Variants in TRAPPC9 observed in about 807,000 individuals in gnomAD.
TRAPPC9 encodes IKK2 binding protein.
TRAPPC9 carries 83 observed loss-of-function variants against 124.0 expected under a neutral mutation model. The observed-to-expected ratio is 0.67, with a 90% CI of 0.56 to 0.80. TRAPPC9 has a LOEUF of 0.80. TRAPPC9 is among the 30% of genes least tolerant of loss of function. The probability of loss-of-function intolerance (pLI) is 0.00; values close to 1 mark genes in which losing one functional copy is unlikely to be tolerated. For missense variants in TRAPPC9, 1,302 were observed against 1,508.3 expected, an observed-to-expected ratio of 0.86 and a Z score of 2.27; for synonymous variants, 638 against 617.5, an observed-to-expected ratio of 1.03 and a Z score of -0.49.
chr8:139,789,395 G>A (rs1182316864), intron 21 of TRAPPC9, among the ~76,000 whole-genome samples: 10 of 152,288 alleles, frequency 6.6e-5, no homozygotes, highest in East Asian at 3.9e-4. Context: ...GCTGCCCCTC[G>A]GTGTGTGGCT....
At chr8:140,331,617 A>AATCATCATCATC (rs57241018) in intron 9 of TRAPPC9, among the ~76,000 whole-genome samples, 72,105 of 150,548 alleles carry the variant, frequency 0.48, 17,262 homozygotes, top group East Asian at 0.58. Context: ...AACAGCAAAA[A>AATCATCATCATC]ATCATCATCA....
At chr8:140,190,078 C>T (rs1285610131) in intron 17 of TRAPPC9, among the ~76,000 whole-genome samples, 1 of 152,190 alleles carries the variant, frequency 6.6e-6, no homozygotes, top group Non-Finnish European at 1.5e-5. Context: ...GCCTGTTGAC[C>T]ACTGTCCTAT....
At chr8:140,217,949 G>A (rs1482065147) in intron 17 of TRAPPC9, among the ~76,000 whole-genome samples, 9 of 152,136 alleles carry the variant, frequency 5.9e-5, no homozygotes, top group Middle Eastern at 6.8e-3. Flanking sequence ...CCCAGGAGGT[G>A]GAGGTTGCAG....
chr8:140,272,194 G>C lies in TRAPPC9; in HGVS notation c.2278+3464C>G, dbSNP rs1287822633. On this transcript the variant is annotated intron_variant, in intron 15 of 22. Coordinates refer to ENST00000438773, the MANE Select transcript of TRAPPC9 (RefSeq NM_001160372.4). ...TTATAGTGGTGGTGGTTATGGTGGT[G>C]ATGGTGGCAGTGGTGAGGGTGGTGG... Among the ~76,000 whole-genome samples, 2 of 129,134 alleles carry C rather than the reference G, an allele frequency of 1.5e-5. 1 individual carries two copies. 84.7% of individuals were successfully genotyped at this position (129,134 alleles called of 152,430 possible). A position where few individuals can be genotyped will look rare whatever the true frequency, so the allele number is the denominator to read the frequency against.
intron 21 of TRAPPC9, among the ~76,000 whole-genome samples, chr8:139,758,460 C>A (rs1279935724): frequency 6.6e-6 from 1 of 152,242 alleles, no homozygotes; most frequent in Non-Finnish European, 1.5e-5. Flanking sequence ...AGGAATACCC[C>A]TGGCTAGAAG....
At chr8:140,155,150 G>C (rs1403770883) in intron 17 of TRAPPC9, among the ~76,000 whole-genome samples, 1 of 152,180 alleles carries the variant, frequency 6.6e-6, no homozygotes, top group Non-Finnish European at 1.5e-5. Flanking sequence ...ACGACAAAAG[G>C]TTTCATTGGT....
At position 140,062,673 on chromosome 8, in the gene TRAPPC9, G is replaced by C. The variant is rs117766386; in HGVS notation, c.2557-38594C>G. 1.8e-3 allele frequency among the ~76,000 whole-genome samples: 280 copies of C among 152,236 alleles called. 4 individuals are homozygous for C. In the East Asian group the frequency reaches 0.049, roughly 27 times the overall value. ...TGCTTTCCTGTCCACTTGCTTGTCTGCTCTCCTACTAGAAGATGAGCTCCT... is the reference window on the plus strand; with the variant it reads ...TGCTTTCCTGTCCACTTGCTTGTCTCCTCTCCTACTAGAAGATGAGCTCCT... On this transcript the variant is annotated intron_variant, in intron 17 of 22. Transcript: ENST00000438773.
intron 17 of TRAPPC9, among the ~76,000 whole-genome samples, chr8:140,033,663 T>G (rs1055833859): frequency 1.1e-4 from 6 of 54,888 alleles, no homozygotes; most frequent in African/African-American, 8.8e-4. Flanking sequence ...ATGTGGTTTT[T>G]TTTTTTTTTT....
At chr8:140,328,234 G>A (rs565081688) in intron 9 of TRAPPC9, among the ~76,000 whole-genome samples, 8 of 152,196 alleles carry the variant, frequency 5.3e-5, no homozygotes, top group Admixed American at 1.3e-4. Context: ...CAGCCTGGGC[G>A]AAAGAGCGAA....
intron 17 of TRAPPC9, among the ~76,000 whole-genome samples, chr8:140,081,612 C>G (rs1843825171): frequency 6.6e-6 from 1 of 152,220 alleles, no homozygotes; most frequent in Non-Finnish European, 1.5e-5. Context: ...TCCCAAAGTG[C>G]TGGGATGACA....
chr8:140,123,532 A>G (rs6993130), intron 17 of TRAPPC9, among the ~76,000 whole-genome samples: 69,753 of 151,978 alleles, frequency 0.46, 17,256 homozygotes, highest in African/African-American at 0.64. Flanking sequence ...CATCTGGGGT[A>G]CTGACATACT....
intron 9 of TRAPPC9, 88 bp downstream of exon 9, chr8:140,359,962 C>T (rs2067892461): frequency 1.3e-6 from 2 of 1,596,830 alleles, no homozygotes; most frequent in Admixed American, 1.7e-5. Context: ...CCACTGAAAC[C>T]CAAGCCCAGG....
chr8:140,142,836 C>T lies in TRAPPC9; in HGVS notation c.2556+78623G>A, dbSNP rs76456574. 1.8e-3 allele frequency among the ~76,000 whole-genome samples: 273 copies of T among 152,218 alleles called. 1 individual carries two copies. The highest frequency in any genetic ancestry group is 6.2e-3 in the African/African-American group (258 of 41,516). On this transcript the variant is annotated intron_variant, in intron 17 of 22. Coordinates refer to ENST00000438773, the MANE Select transcript of TRAPPC9 (RefSeq NM_001160372.4). The stretch of plus-strand genomic sequence containing the variant: ...ATTTGTAAAGAGGCATAATGAAATG[C>T]CAAATGTAGAGAGCTGCTATAAGGA...
At chr8:139,853,124 T>C (rs373838521) in intron 21 of TRAPPC9, among the ~76,000 whole-genome samples, 100 of 152,322 alleles carry the variant, frequency 6.6e-4, no homozygotes, top group African/African-American at 2.3e-3. Flanking sequence ...GGACGCTCCA[T>C]GCTGAATTCT....
chr8:140,345,757 T>C (rs2067330261), intron 9 of TRAPPC9, among the ~76,000 whole-genome samples: 1 of 151,864 alleles, frequency 6.6e-6, no homozygotes, highest in African/African-American at 2.4e-5. Context: ...AGGAAGAGGA[T>C]GAGGAAATGC....
At chr8:140,157,125 CTTTTCCATTCAGAAGCCTCCCT>C (rs1563804518) in intron 17 of TRAPPC9, among the ~76,000 whole-genome samples, 2 of 53,942 alleles carry the variant, frequency 3.7e-5, no homozygotes, top group African/African-American at 6.0e-5. Context: ...AGAAGCCTCC[CTTTTCCATTCAGAAGCCTCCCT>C]TTTCCATTCA....
intron 19 of TRAPPC9, among the ~76,000 whole-genome samples, chr8:139,928,169 TG>T (rs1832919264): frequency 6.6e-6 from 1 of 152,178 alleles, no homozygotes; most frequent in African/African-American, 2.4e-5. Flanking sequence ...TCTAAACCAC[TG>T]GAGAAGTGTG....
intron 7 of TRAPPC9, among the ~76,000 whole-genome samples, chr8:140,380,446 G>A (rs754768201): frequency 6.6e-6 from 1 of 151,964 alleles, no homozygotes; most frequent in Non-Finnish European, 1.5e-5. Flanking sequence ...CTGAGGTCAG[G>A]AGTTCAAGAC....
intron 21 of TRAPPC9, among the ~76,000 whole-genome samples, chr8:139,879,972 C>A (rs1435385572): frequency 2.0e-5 from 3 of 152,144 alleles, no homozygotes; most frequent in African/African-American, 7.2e-5. Context: ...AAGCCAAGAT[C>A]GTTCCATGGG....
Sources: gnomAD v4.1 joint callset for allele counts (sites outside exome capture counted in the v4.1 genomes callset) on GRCh38, gnomAD v4.1.1 for gene constraint, MANE v1.5 for transcripts, NCBI Gene and HGNC (gene_info 2026-07-23, HGNC 2026-07-21) for gene names.